SHTN1: variants seen among roughly 807,000 people sequenced by gnomAD.
SHTN1 encodes the protein shootin 1.
A neutral mutation model predicts 83.1 loss-of-function variants in SHTN1; 42 were observed. That is an observed-to-expected ratio of 0.51 (90% CI 0.39 to 0.65). The LOEUF (loss-of-function observed/expected upper bound fraction) is 0.65. Ranked by LOEUF, SHTN1 falls within the 30% of genes least tolerant of loss-of-function variation. The pLI, the probability that SHTN1 is intolerant of heterozygous loss-of-function variation, is 0.00. For missense variants in SHTN1, 622 were observed against 737.8 expected, an observed-to-expected ratio of 0.84 and a Z score of 1.82; for synonymous variants, 224 against 247.7, an observed-to-expected ratio of 0.90 and a Z score of 0.90.
chr10:117,112,821 T>G (rs1377511550), intron 1 of SHTN1, among the ~76,000 whole-genome samples: 2 of 152,230 alleles, frequency 1.3e-5, no homozygotes, highest in Non-Finnish European at 2.9e-5. Flanking sequence ...GAGCTCTAAT[T>G]GCAGGTCTCT....
intron 1 of SHTN1, among the ~76,000 whole-genome samples, chr10:117,070,412 T>C (rs1853063287): frequency 6.6e-6 from 1 of 152,078 alleles, no homozygotes; most frequent in Non-Finnish European, 1.5e-5. Context: ...TCTATCTGCT[T>C]TTCTCTTTGT....
intron 1 of SHTN1, among the ~76,000 whole-genome samples, chr10:117,104,879 C>T (rs1245604035): frequency 6.6e-6 from 1 of 151,708 alleles, no homozygotes; most frequent in Non-Finnish European, 1.5e-5. Flanking sequence ...TCTAGTATGT[C>T]TGACTCTCTG....
intron 1 of SHTN1, among the ~76,000 whole-genome samples, chr10:117,096,606 C>T (rs2098521511): frequency 6.6e-6 from 1 of 152,204 alleles, no homozygotes; most frequent in African/African-American, 2.4e-5. Flanking sequence ...CTTTTCTTTT[C>T]ATTAGACTTT....
chr10:116,965,065 T>G (rs1438282943), intron 3 of SHTN1, among the ~76,000 whole-genome samples: 1 of 152,178 alleles, frequency 6.6e-6, no homozygotes, highest in South Asian at 2.1e-4. Flanking sequence ...TGTAGTGGTG[T>G]TCTTTGTGTG....
At chr10:117,067,334 T>C (rs1489256415) in intron 1 of SHTN1, among the ~76,000 whole-genome samples, 2 of 152,192 alleles carry the variant, frequency 1.3e-5, no homozygotes, top group South Asian at 2.1e-4. Flanking sequence ...CTCGTGCCTA[T>C]AATCCCAGCA....
chr10:116,995,559 C>T (rs1309680273), intron 1 of SHTN1, among the ~76,000 whole-genome samples: 2 of 152,014 alleles, frequency 1.3e-5, no homozygotes, highest in South Asian at 2.1e-4. Context: ...TTCTTCCTTA[C>T]TTGATCCCTC....
chr10:116,924,909 C>A (rs553234213), intron 11 of SHTN1, among the ~76,000 whole-genome samples: 85 of 152,122 alleles, frequency 5.6e-4, no homozygotes, highest in Non-Finnish European at 9.6e-4. Context: ...AGGCACCCAC[C>A]ACGCCTGGCT....
At chr10:117,095,730 C>T (rs1947798) in intron 1 of SHTN1, among the ~76,000 whole-genome samples, 103,608 of 152,070 alleles carry the variant, frequency 0.68, 37,783 homozygotes, top group Middle Eastern at 0.84. Context: ...AATTTATGAT[C>T]ATCATCATTC....
chr10:117,092,321 C>G (rs989301060), intron 1 of SHTN1, among the ~76,000 whole-genome samples: 7 of 152,192 alleles, frequency 4.6e-5, no homozygotes, highest in African/African-American at 1.7e-4. Flanking sequence ...GGTAATGACA[C>G]TAGCCTCTCA....
chr10:116,927,302 G>A (rs917662785), intron 11 of SHTN1, among the ~76,000 whole-genome samples: 1 of 152,148 alleles, frequency 6.6e-6, no homozygotes, highest in Admixed American at 6.5e-5. Context: ...ACTACAAGAA[G>A]GGAATAATAT....
chr10:117,038,098 C>T (rs1564938107), intron 2 of SHTN1, among the ~76,000 whole-genome samples: 1 of 149,570 alleles, frequency 6.7e-6, no homozygotes, highest in African/African-American at 2.5e-5. Flanking sequence ...AAGAAGATAA[C>T]ATAGAAGAAA....
chr10:117,017,720 C>G (rs1305201298), intron 2 of SHTN1, among the ~76,000 whole-genome samples: 1 of 152,138 alleles, frequency 6.6e-6, no homozygotes, highest in Non-Finnish European at 1.5e-5. Context: ...GATTCAGTCA[C>G]TTGCTTCCAA....
intron 2 of SHTN1, among the ~76,000 whole-genome samples, chr10:117,027,661 G>A (rs1852351093): frequency 6.6e-6 from 1 of 152,032 alleles, no homozygotes; most frequent in Admixed American, 6.6e-5. Flanking sequence ...ACCACACCCA[G>A]CTAATTTTTT....
intron 1 of SHTN1, among the ~76,000 whole-genome samples, chr10:116,987,739 A>AC (rs1177882219): frequency 6.6e-6 from 1 of 152,092 alleles, no homozygotes; most frequent in East Asian, 1.9e-4. Flanking sequence ...ACATAGTGAA[A>AC]CCCCGTCTCT....
intron 2 of SHTN1, among the ~76,000 whole-genome samples, chr10:117,030,334 C>G (rs962771607): frequency 1.3e-5 from 2 of 152,118 alleles, no homozygotes; most frequent in Non-Finnish European, 2.9e-5. Flanking sequence ...CAGGTTAGAT[C>G]ACAACACCCA....
chr10:117,055,100 G>A (rs1383703332), intron 1 of SHTN1, among the ~76,000 whole-genome samples: 1 of 152,106 alleles, frequency 6.6e-6, no homozygotes, highest in African/African-American at 2.4e-5. Flanking sequence ...CAGCAGGAGA[G>A]AGAAACAGCA....
At chr10:116,919,394 T>A (rs1213196323) in intron 12 of SHTN1, among the ~76,000 whole-genome samples, 1 of 152,228 alleles carries the variant, frequency 6.6e-6, no homozygotes, top group South Asian at 2.1e-4. Context: ...ACTTCTATAT[T>A]GGTAACTCTA....
chr10:116,902,626 T>C (rs1421159502), intron 15 of SHTN1, among the ~76,000 whole-genome samples: 2 of 152,232 alleles, frequency 1.3e-5, no homozygotes, highest in East Asian at 3.8e-4. Context: ...TTCTGGGCAT[T>C]GAAGCCAGTC....
intron 1 of SHTN1, among the ~76,000 whole-genome samples, chr10:117,065,825 GA>G (rs1852986885): frequency 1.2e-5 from 1 of 85,110 alleles, no homozygotes; most frequent in Non-Finnish European, 2.3e-5. Context: ...AGGAAGGAAG[GA>G]AGGAAGGAAG....
Sources: gnomAD v4.1 joint callset for allele counts (sites outside exome capture counted in the v4.1 genomes callset) on GRCh38, gnomAD v4.1.1 for gene constraint, MANE v1.5 for transcripts, NCBI Gene and HGNC (gene_info 2026-07-23, HGNC 2026-07-21) for gene names.